GFRA2: variants seen among roughly 807,000 people sequenced by gnomAD.
GFRA2 encodes GDNF family receptor alpha-2.
In GFRA2, 17 loss-of-function variants were observed where a neutral mutation model predicts 48.3. The observed-to-expected ratio is 0.35, with a 90% confidence interval of 0.24 to 0.53. The LOEUF is 0.53. Among genes scored for constraint, GFRA2 ranks in the 20% least tolerant of loss-of-function variants. GFRA2 has a pLI of 0.93. For synonymous variants in GFRA2, 305 were observed against 257.2 expected (o/e 1.19, Z -1.78); for missense variants, 660 against 637.3 (o/e 1.04, Z -0.38).
chr8:21,704,910 G>C, intron 6 of GFRA2, 75 bp downstream of exon 6: 1 of 1,132,298 alleles, frequency 8.8e-7, no homozygotes, highest in East Asian at 2.4e-5. Flanking sequence ...CACGGAAGGA[G>C]ATGGGAATGG....
At chr8:21,729,940 C>A (rs1331876945) in intron 4 of GFRA2, among the ~76,000 whole-genome samples, 1 of 152,088 alleles carries the variant, frequency 6.6e-6, no homozygotes, top group African/African-American at 2.4e-5. Flanking sequence ...GCTCCCAGAC[C>A]CAGCAAGCCT....
In GFRA2 at chr8:21,769,228, G is replaced by A. The variant is rs373108061; in HGVS notation, c.439+5744C>T. ...TTTACTGAACAAAACATGCTCCTCC[G>A]AAGTCTGGCCCCAGCCCCGCCCCAG... is the stretch of plus-strand genomic sequence containing the variant. On this transcript the variant is annotated intron_variant, in intron 3 of 8. Transcript: ENST00000524240. The A allele has an allele frequency of 3.5e-4, 336 of 964,912 alleles. 4 individuals are homozygous for A. The South Asian group carries it at 6.1e-3, about 18-fold the overall frequency. The allele number at this position is 964,912 out of a possible 1,614,324, so 59.8% of individuals were successfully genotyped here. A position where few individuals can be genotyped will look rare whatever the true frequency, so the allele number is the denominator to read the frequency against.
At chr8:21,776,181 G>A (rs1272493332) in intron 2 of GFRA2, among the ~76,000 whole-genome samples, 6 of 152,038 alleles carry the variant, frequency 3.9e-5, no homozygotes, top group Non-Finnish European at 8.8e-5. Flanking sequence ...TCATGGGCCT[G>A]GAAGAGGGGC....
At chr8:21,757,506 C>CTTTTTT (rs5889999) in intron 3 of GFRA2, among the ~76,000 whole-genome samples, 3 of 145,736 alleles carry the variant, frequency 2.1e-5, no homozygotes, top group African/African-American at 7.9e-5. Context: ...TTCCTTAATC[C>CTTTTTT]TTTTTTTTGA....
At chr8:21,737,341 C>T (rs1206748091) in intron 4 of GFRA2, among the ~76,000 whole-genome samples, 1 of 151,984 alleles carries the variant, frequency 6.6e-6, no homozygotes, top group African/African-American at 2.4e-5. Context: ...TGCAGTCCAG[C>T]CTGGACGACA....
chr8:21,694,438 C>T, intron 8 of GFRA2, 26 bp downstream of exon 8: 1 of 1,607,184 alleles, frequency 6.2e-7, no homozygotes, highest in Non-Finnish European at 8.5e-7. Flanking sequence ...CCTTCTGCAC[C>T]CATCCCCACT....
chr8:21,795,773 A>T (rs1205518259), intron 2 of GFRA2, among the ~76,000 whole-genome samples: 4 of 152,130 alleles, frequency 2.6e-5, no homozygotes, highest in African/African-American at 7.2e-5. Context: ...AGAGCTAAGG[A>T]CTCATCCAGT....
chr8:21,808,653 G>A (rs115255530), intron 1 of GFRA2, among the ~76,000 whole-genome samples: 1 of 152,224 alleles, frequency 6.6e-6, no homozygotes, highest in Non-Finnish European at 1.5e-5. Context: ...GCTGCTGGAA[G>A]AGCCTCTATC....
intron 2 of GFRA2, among the ~76,000 whole-genome samples, chr8:21,804,426 AAAAAAAAAAAC>A (rs201701108): frequency 0.3 from 35,175 of 118,558 alleles, 4,536 homozygotes; most frequent in East Asian, 0.43. Context: ...CTTCTCTGCT[AAAAAAAAAAAC>A]AAAAAAAAAA....
intron 4 of GFRA2, among the ~76,000 whole-genome samples, chr8:21,709,064 A>G (rs1802888217): frequency 6.6e-6 from 1 of 152,154 alleles, no homozygotes; most frequent in African/African-American, 2.4e-5. Context: ...TAAAGGCAGG[A>G]CCTAGCTCCT....
At chr8:21,805,496 G>A (rs1350626835) in intron 1 of GFRA2, among the ~76,000 whole-genome samples, 1 of 152,214 alleles carries the variant, frequency 6.6e-6, no homozygotes, top group Non-Finnish European at 1.5e-5. Context: ...GCTTGGGGAG[G>A]TAGAGTCATG....
At chr8:21,769,235 G>GGCCCTAGCCCC in intron 3 of GFRA2, 1 of 940,250 alleles carries the variant, frequency 1.1e-6, no homozygotes, top group Non-Finnish European at 1.3e-6. Flanking sequence ...TCCGAAGTCT[G>GGCCCTAGCCCC]GCCCCAGCCC....
chr8:21,729,725 A>G (rs1440728561), intron 4 of GFRA2, among the ~76,000 whole-genome samples: 1 of 152,114 alleles, frequency 6.6e-6, no homozygotes, highest in Non-Finnish European at 1.5e-5. Context: ...TTCACAGCCC[A>G]AAGAATCCGC....
intron 1 of GFRA2, among the ~76,000 whole-genome samples, chr8:21,783,591 C>A (rs368318515): frequency 5.9e-5 from 9 of 152,174 alleles, no homozygotes; most frequent in African/African-American, 1.7e-4. Flanking sequence ...CTAACTCTAC[C>A]GTCCAGGCGA....
chr8:21,799,302 C>T (rs1232289148), intron 2 of GFRA2, among the ~76,000 whole-genome samples: 5 of 151,532 alleles, frequency 3.3e-5, no homozygotes, highest in Non-Finnish European at 7.4e-5. Flanking sequence ...ACTGTAAGCT[C>T]CGCCTCCTGG....
At chr8:21,777,667 A>T (rs1806773807) in intron 2 of GFRA2, among the ~76,000 whole-genome samples, 1 of 152,184 alleles carries the variant, frequency 6.6e-6, no homozygotes, top group Admixed American at 6.5e-5. Context: ...CATGCAGCCA[A>T]GAGTGGCAGC....
At chr8:21,782,512 C>T in intron 2 of GFRA2, 73 bp downstream of exon 2, 11 of 1,176,102 alleles carry the variant, frequency 9.4e-6, no homozygotes, top group Non-Finnish European at 1.3e-5. Flanking sequence ...CCCTCCTGAA[C>T]CCCTGGCCCG....
chr8:21,701,342 C>T (rs1447323985), intron 7 of GFRA2, among the ~76,000 whole-genome samples: 2 of 152,146 alleles, frequency 1.3e-5, no homozygotes, highest in Non-Finnish European at 2.9e-5. Context: ...TGCAGTGAGC[C>T]GAGATCGCGC....
chr8:21,706,885 C>G (rs996141844), intron 4 of GFRA2, among the ~76,000 whole-genome samples: 1 of 152,184 alleles, frequency 6.6e-6, no homozygotes, highest in African/African-American at 2.4e-5. Flanking sequence ...ATGGGGAATC[C>G]AAGTCTAATA....
Sources: gnomAD v4.1 joint callset for allele counts (sites outside exome capture counted in the v4.1 genomes callset) on GRCh38, gnomAD v4.1.1 for gene constraint, MANE v1.5 for transcripts, NCBI Gene and HGNC (gene_info 2026-07-23, HGNC 2026-07-21) for gene names.